The following GLRA1 variants were observed in gnomAD, a reference collection of about 807,000 sequenced individuals.
GLRA1 encodes the protein glycine receptor subunit alpha-1.
In GLRA1, 37 loss-of-function variants were observed where a neutral mutation model predicts 48.3. The ratio of observed to expected loss-of-function variants is 0.77; its 90% CI spans 0.59 to 1.01. The LOEUF is 1.01. GLRA1 is among the 50% of genes least tolerant of loss of function. GLRA1 has a pLI of 0.00. For synonymous variants in GLRA1, 196 were observed against 210.7 expected (o/e 0.93, Z 0.60); for missense variants, 427 against 571.0 (o/e 0.75, Z 2.57).
chr5:151,874,270 A>C (rs1561566510), intron 3 of GLRA1, among the ~76,000 whole-genome samples: 1 of 152,154 alleles, frequency 6.6e-6, no homozygotes, highest in East Asian at 1.9e-4. Flanking sequence ...AAGACCAATA[A>C]ATAAATTACT....
chr5:151,902,744 G>A (rs1324322956), intron 1 of GLRA1, among the ~76,000 whole-genome samples: 1 of 152,084 alleles, frequency 6.6e-6, no homozygotes, highest in African/African-American at 2.4e-5. Context: ...TGGTTATGAA[G>A]TACTGTACCA....
At chr5:151,880,456 G>C (rs995477986) in intron 3 of GLRA1, among the ~76,000 whole-genome samples, 7 of 152,254 alleles carry the variant, frequency 4.6e-5, no homozygotes, top group Admixed American at 4.6e-4. Flanking sequence ...TGCATAGGCT[G>C]TCATCAATCA....
chr5:151,884,783 G>C (rs1269588119), intron 3 of GLRA1, among the ~76,000 whole-genome samples: 1 of 152,318 alleles, frequency 6.6e-6, no homozygotes, highest in Non-Finnish European at 1.5e-5. Flanking sequence ...GACTTGGCTT[G>C]ATAACCATTT....
chr5:151,918,151 T>G (rs147980435), intron 1 of GLRA1, among the ~76,000 whole-genome samples: 34 of 152,302 alleles, frequency 2.2e-4, no homozygotes, highest in African/African-American at 8.2e-4. Flanking sequence ...GTACCCCTCA[T>G]AAGAGCTTGC....
At chr5:151,892,886 G>A (rs994746137) in intron 1 of GLRA1, among the ~76,000 whole-genome samples, 2 of 152,168 alleles carry the variant, frequency 1.3e-5, no homozygotes, top group African/African-American at 4.8e-5. Flanking sequence ...TTCAGAATCA[G>A]AGTCACAGTT....
chr5:151,895,722 A>G (rs1273362898), intron 1 of GLRA1, among the ~76,000 whole-genome samples: 2 of 151,792 alleles, frequency 1.3e-5, no homozygotes, highest in Non-Finnish European at 2.9e-5. Context: ...CAGCTGCACC[A>G]TGGAGCCCAC....
At chr5:151,840,099 G>GTT (rs113124430) in intron 7 of GLRA1, among the ~76,000 whole-genome samples, 18 of 144,762 alleles carry the variant, frequency 1.2e-4, no homozygotes, top group Middle Eastern at 3.5e-3. Flanking sequence ...AGAAAATACT[G>GTT]TTTTTTTTTT....
At chr5:151,842,056 TA>T (rs57043035) in intron 7 of GLRA1, among the ~76,000 whole-genome samples, 21,877 of 129,214 alleles carry the variant, frequency 0.17, 1,847 homozygotes, top group African/African-American at 0.24. Flanking sequence ...AAACTCCATC[TA>T]AAAAAAAAAA....
intron 3 of GLRA1, among the ~76,000 whole-genome samples, chr5:151,884,398 C>T (rs185174248): frequency 2.4e-5 from 3 of 122,460 alleles, no homozygotes; most frequent in Admixed American, 1.8e-4. Context: ...CACTGCACTC[C>T]AGCCTGGGCA....
intron 1 of GLRA1, among the ~76,000 whole-genome samples, chr5:151,922,560 C>T (rs1754901377): frequency 6.6e-6 from 1 of 152,226 alleles, no homozygotes; most frequent in African/African-American, 2.4e-5. Flanking sequence ...CTCTTCTTTC[C>T]TTATAAACAC....
At chr5:151,864,030 C>G (rs984217058) in intron 3 of GLRA1, among the ~76,000 whole-genome samples, 5 of 152,154 alleles carry the variant, frequency 3.3e-5, no homozygotes, top group Non-Finnish European at 5.9e-5. Context: ...AGTGTTGGCT[C>G]TTTGTCCTGT....
intron 1 of GLRA1, among the ~76,000 whole-genome samples, chr5:151,916,299 A>G (rs1754740150): frequency 6.6e-6 from 1 of 152,198 alleles, no homozygotes. Context: ...ATGGATATAA[A>G]ACATGCTATA....
intron 3 of GLRA1, among the ~76,000 whole-genome samples, chr5:151,862,461 CG>C (rs559875637): frequency 1.3e-3 from 202 of 152,238 alleles, no homozygotes; most frequent in African/African-American, 4.4e-3. Flanking sequence ...GCACAGCAAA[CG>C]AAACTACCAT....
intron 7 of GLRA1, chr5:151,850,314 A>G: frequency 1.9e-6 from 3 of 1,584,332 alleles, no homozygotes; most frequent in Non-Finnish European, 2.6e-6. Flanking sequence ...AAGAATCAGC[A>G]TGGGAGATCA....
intron 1 of GLRA1, among the ~76,000 whole-genome samples, chr5:151,923,053 A>C (rs1189098345): frequency 4.6e-5 from 7 of 152,188 alleles, no homozygotes; most frequent in African/African-American, 9.7e-5. Flanking sequence ...GATACGTTTC[A>C]TAAGGCCCTG....
intron 1 of GLRA1, among the ~76,000 whole-genome samples, chr5:151,918,270 T>C (rs1243121826): frequency 6.6e-6 from 1 of 152,140 alleles, no homozygotes; most frequent in Non-Finnish European, 1.5e-5. Flanking sequence ...CTGTATAGTG[T>C]TTTCATTTTG....
chr5:151,828,438 C>T (rs1763334759), intron 8 of GLRA1, among the ~76,000 whole-genome samples: 1 of 152,114 alleles, frequency 6.6e-6, no homozygotes, highest in Non-Finnish European at 1.5e-5. Flanking sequence ...GAGAGAGAAC[C>T]CACTCTGGCA....
At chr5:151,828,123 T>G (rs951062568) in intron 8 of GLRA1, among the ~76,000 whole-genome samples, 1 of 152,112 alleles carries the variant, frequency 6.6e-6, no homozygotes, top group Non-Finnish European at 1.5e-5. Context: ...TTTTTAGAAG[T>G]TTAGAAATTA....
chr5:151,825,398 C>G lies in GLRA1; in HGVS notation c.1060-2435G>C, dbSNP rs555614379. 2.0e-5 allele frequency among the ~76,000 whole-genome samples: 3 copies of G among 152,260 alleles called. No homozygotes were observed. The East Asian group carries it at 5.8e-4, about 29-fold the overall frequency. On this transcript the variant is annotated intron_variant, in intron 8 of 8. Transcript: ENST00000274576. ...CTGCTTTGGGTGAATTATTCTTTGC[C>G]TTTCTCATCTGTTAAACATGGGAGT...
Sources: allele counts gnomAD v4.1 joint callset (sites outside exome capture counted in the v4.1 genomes callset), GRCh38; gene constraint gnomAD v4.1.1; transcripts MANE v1.5; gene names NCBI Gene and HGNC (gene_info 2026-07-23, HGNC 2026-07-21).